CTNNA3: variants seen among roughly 807,000 people sequenced by gnomAD.
The protein encoded by CTNNA3 is catenin alpha-3.
In CTNNA3, 76 loss-of-function variants were observed where a neutral mutation model predicts 95.7. The observed-to-expected ratio is 0.79, with a 90% CI of 0.66 to 0.96. CTNNA3 has a LOEUF of 0.96. Among genes scored for constraint, CTNNA3 ranks in the 40% least tolerant of loss-of-function variants. CTNNA3 has a pLI of 0.00. For synonymous variants in CTNNA3, 431 were observed against 374.4 expected (o/e 1.15, Z -1.74); for missense variants, 1,191 against 1,089.8 (o/e 1.09, Z -1.31).
intron 1 of CTNNA3, among the ~76,000 whole-genome samples, chr10:67,686,340 A>T (rs1465290518): frequency 6.6e-6 from 1 of 152,176 alleles, no homozygotes; most frequent in Non-Finnish European, 1.5e-5. Flanking sequence ...ATGAACTTTC[A>T]TCGGTATATA....
At chr10:66,448,868 C>A (rs2093443199) in intron 11 of CTNNA3, among the ~76,000 whole-genome samples, 1 of 151,724 alleles carries the variant, frequency 6.6e-6, no homozygotes, top group Non-Finnish European at 1.5e-5. Flanking sequence ...TAAAATTAAA[C>A]TTTAATGACC....
At chr10:67,140,466 A>T (rs1018323532) in intron 7 of CTNNA3, among the ~76,000 whole-genome samples, 2 of 152,192 alleles carry the variant, frequency 1.3e-5, no homozygotes, top group Non-Finnish European at 2.9e-5. Context: ...AATTATTTGC[A>T]TACATCCCAG....
chr10:66,730,305 A>G (rs1022023249), intron 9 of CTNNA3, among the ~76,000 whole-genome samples: 1 of 152,158 alleles, frequency 6.6e-6, no homozygotes, highest in Non-Finnish European at 1.5e-5. Context: ...TTGCAGGGAC[A>G]TGGATGGAGT....
At chr10:67,627,164 G>A (rs1222785759) in intron 2 of CTNNA3, among the ~76,000 whole-genome samples, 5 of 152,198 alleles carry the variant, frequency 3.3e-5, no homozygotes, top group Non-Finnish European at 7.3e-5. Context: ...GTTGAGCCAA[G>A]CCCAATATGG....
chr10:66,305,885 T>C (rs1038353196), intron 12 of CTNNA3, among the ~76,000 whole-genome samples: 2 of 152,214 alleles, frequency 1.3e-5, no homozygotes, highest in African/African-American at 4.8e-5. Context: ...GCCTCACTTA[T>C]CAATTCCATG....
At chr10:66,986,778 G>A (rs929173013) in intron 7 of CTNNA3, among the ~76,000 whole-genome samples, 4 of 152,074 alleles carry the variant, frequency 2.6e-5, no homozygotes, top group Non-Finnish European at 4.4e-5. Context: ...TAACATGGCA[G>A]TTAAATAACA....
intron 6 of CTNNA3, among the ~76,000 whole-genome samples, chr10:67,181,522 G>C (rs1277579648): frequency 6.6e-6 from 1 of 151,664 alleles, no homozygotes; most frequent in Non-Finnish European, 1.5e-5. Context: ...ATGATCTTCA[G>C]AGTGTGAAAT....
At chr10:67,062,793 T>C (rs1855836715) in intron 7 of CTNNA3, among the ~76,000 whole-genome samples, 1 of 152,162 alleles carries the variant, frequency 6.6e-6, no homozygotes, top group Admixed American at 6.5e-5. Context: ...GCAAAAGATT[T>C]GGAAGGCAGA....
chr10:67,571,244 T>C (rs12263424), intron 3 of CTNNA3, among the ~76,000 whole-genome samples: 8,757 of 152,248 alleles, frequency 0.058, 269 homozygotes, highest in South Asian at 0.13. Flanking sequence ...ACCTGGTTAG[T>C]TATTCACAGA....
At chr10:67,660,643 C>T (rs1369438226) in intron 1 of CTNNA3, among the ~76,000 whole-genome samples, 1 of 151,996 alleles carries the variant, frequency 6.6e-6, no homozygotes, top group Non-Finnish European at 1.5e-5. Flanking sequence ...AAGAGAAATG[C>T]GAATTAAGTC....
At chr10:67,385,816 G>A (rs1442734939) in intron 5 of CTNNA3, among the ~76,000 whole-genome samples, 1 of 150,780 alleles carries the variant, frequency 6.6e-6, no homozygotes, top group African/African-American at 2.4e-5. Context: ...TGCCTGGTGG[G>A]GATATACCCT....
chr10:66,985,358 A>G (rs1850670683), intron 7 of CTNNA3, among the ~76,000 whole-genome samples: 1 of 152,202 alleles, frequency 6.6e-6, no homozygotes, highest in Admixed American at 6.5e-5. Context: ...GAATAAAGGA[A>G]GAAACAGTTC....
intron 12 of CTNNA3, among the ~76,000 whole-genome samples, chr10:66,339,611 A>G (rs2092432538): frequency 6.6e-6 from 1 of 151,788 alleles, no homozygotes; most frequent in Admixed American, 6.6e-5. Context: ...CTAACCCCCA[A>G]ATTCCTTTTA....
At chr10:67,603,552 G>C (rs1428594670) in intron 3 of CTNNA3, among the ~76,000 whole-genome samples, 3 of 151,590 alleles carry the variant, frequency 2.0e-5, no homozygotes, top group African/African-American at 7.3e-5. Flanking sequence ...TGTAGGCCTA[G>C]GCTAATGTGT....
chr10:67,540,176 C>A (rs2173656), intron 3 of CTNNA3, among the ~76,000 whole-genome samples: 151,673 of 152,218 alleles, frequency 1, 75,566 homozygotes, highest in East Asian at 1. Context: ...TTCATAGTAC[C>A]TAATTGTTAG....
chr10:66,842,286 A>G (rs1415128915), intron 7 of CTNNA3, among the ~76,000 whole-genome samples: 1 of 151,996 alleles, frequency 6.6e-6, no homozygotes, highest in Non-Finnish European at 1.5e-5. Context: ...ATAATATATT[A>G]GTATTGTAAT....
At chr10:67,243,550 T>C (rs1336780194) in intron 5 of CTNNA3, among the ~76,000 whole-genome samples, 1 of 152,198 alleles carries the variant, frequency 6.6e-6, no homozygotes, top group East Asian at 1.9e-4. Flanking sequence ...TTTCTAATGA[T>C]GGTTAATCCA....
chr10:66,102,722 T>G (rs992212677), intron 14 of CTNNA3, among the ~76,000 whole-genome samples: 5 of 150,766 alleles, frequency 3.3e-5, no homozygotes, highest in African/African-American at 1.2e-4. Flanking sequence ...GGTGGTGGGG[T>G]GTGTGTGTGT....
intron 5 of CTNNA3, among the ~76,000 whole-genome samples, chr10:67,459,757 C>T (rs1847308269): frequency 1.3e-5 from 2 of 152,102 alleles, no homozygotes; most frequent in Admixed American, 1.3e-4. Context: ...TATCTTTTAC[C>T]TCTTAGCAAA....
Sources: allele counts gnomAD v4.1 joint callset (sites outside exome capture counted in the v4.1 genomes callset), GRCh38; gene constraint gnomAD v4.1.1; transcripts MANE v1.5; gene names NCBI Gene and HGNC (gene_info 2026-07-23, HGNC 2026-07-21).